Variants in BICD1 observed in about 807,000 individuals in gnomAD.
BICD1 encodes protein bicaudal D homolog 1.
In BICD1, 35 loss-of-function variants were observed where a neutral mutation model predicts 92.5. The observed-to-expected ratio is 0.38, with a 90% confidence interval of 0.29 to 0.50. The LOEUF is 0.50. Among genes scored for constraint, BICD1 ranks in the 20% least tolerant of loss-of-function variants. BICD1 has a pLI of 0.93. For synonymous variants in BICD1, 429 were observed against 465.1 expected (o/e 0.92, Z 1.00); for missense variants, 950 against 1,189.8 (o/e 0.80, Z 2.97).
intron 4 of BICD1, among the ~76,000 whole-genome samples, chr12:32,312,187 G>A (rs1222833712): frequency 7.2e-6 from 1 of 139,704 alleles, no homozygotes; most frequent in African/African-American, 2.7e-5. Flanking sequence ...TGCCTTTGTT[G>A]GAACTATGGA....
At chr12:32,333,697 C>T (rs1937979912) in intron 5 of BICD1, among the ~76,000 whole-genome samples, 3 of 152,196 alleles carry the variant, frequency 2.0e-5, no homozygotes, top group Non-Finnish European at 4.4e-5. Context: ...ATGCATCAAA[C>T]AGGCAATCCC....
chr12:32,346,653 T>C lies in BICD1; in HGVS notation c.2764+7674T>C, dbSNP rs1330976889. ...ATATATACGTGTATATATATATATA[T>C]ATATACACACACACACGCACACACA... is the stretch of plus-strand genomic sequence containing the variant. On this transcript the variant is annotated intron_variant, in intron 8 of 9. Coordinates refer to ENST00000652176, the MANE Select transcript of BICD1 (RefSeq NM_001714.4). 5.4e-3 allele frequency among the ~76,000 whole-genome samples: 142 copies of C among 26,062 alleles called. 7 individuals are homozygous for C. The highest frequency in any genetic ancestry group is 0.021 in the African/African-American group (133 of 6,430). The allele number at this position is 26,062 out of a possible 152,430, so 17.1% of individuals were successfully genotyped here.
At chr12:32,364,018 T>C (rs113682259) in intron 8 of BICD1, among the ~76,000 whole-genome samples, 7 of 138,726 alleles carry the variant, frequency 5.0e-5, no homozygotes, top group Admixed American at 7.1e-5. Flanking sequence ...ACCATCACCA[T>C]CACCACCATC....
chr12:32,244,792 C>G (rs970970462), intron 2 of BICD1, among the ~76,000 whole-genome samples: 1 of 152,074 alleles, frequency 6.6e-6, no homozygotes, highest in East Asian at 1.9e-4. Flanking sequence ...CCATGCCCAG[C>G]TAATTTTTGT....
rs1423199592 is a variant in BICD1 at position 32,150,089 on chromosome 12, C to T, written c.213+42545C>T. Among the ~76,000 whole-genome samples, 3 of 152,128 alleles carry T rather than the reference C, an allele frequency of 2.0e-5. No homozygotes were observed. The East Asian group carries it at 5.8e-4, about 29-fold the overall frequency. ...TCCCCTTTATAAAACCATCAGATCT[C>T]ATGAGACTTACTCACTATCATGAGA... On this transcript the variant is annotated intron_variant, in intron 1 of 9. Coordinates refer to ENST00000652176, the MANE Select transcript of BICD1 (RefSeq NM_001714.4).
intron 2 of BICD1, among the ~76,000 whole-genome samples, chr12:32,292,875 G>T (rs1370799318): frequency 6.6e-6 from 1 of 152,032 alleles, no homozygotes; most frequent in Non-Finnish European, 1.5e-5. Context: ...GTTTATATCT[G>T]TTATGTGGTC....
chr12:32,304,397 A>G (rs966597344), intron 3 of BICD1, among the ~76,000 whole-genome samples: 7 of 152,214 alleles, frequency 4.6e-5, no homozygotes, highest in Admixed American at 6.5e-5. Context: ...TACTTTTTCT[A>G]CTTTATTTTT....
chr12:32,157,483 G>A (rs953112881), intron 1 of BICD1, among the ~76,000 whole-genome samples: 11 of 152,128 alleles, frequency 7.2e-5, no homozygotes, highest in Admixed American at 2.0e-4. Flanking sequence ...ATTCTGGGGG[G>A]CTGGAGCAAG....
chr12:32,172,914 T>C (rs1299823303), intron 1 of BICD1, among the ~76,000 whole-genome samples: 1 of 152,230 alleles, frequency 6.6e-6, no homozygotes, highest in Non-Finnish European at 1.5e-5. Context: ...ATTTTTCAGT[T>C]GTTAAACCAG....
At chr12:32,215,153 C>G (rs927620618) in intron 1 of BICD1, among the ~76,000 whole-genome samples, 1 of 152,128 alleles carries the variant, frequency 6.6e-6, no homozygotes, top group East Asian at 1.9e-4. Flanking sequence ...TGCTTGAACC[C>G]AGGAGGCAGA....
chr12:32,121,509 C>A (rs1450698108), intron 1 of BICD1, among the ~76,000 whole-genome samples: 1 of 151,752 alleles, frequency 6.6e-6, no homozygotes, highest in Non-Finnish European at 1.5e-5. Flanking sequence ...AGGAGAAACT[C>A]TTGAACCTGG....
intron 6 of BICD1, among the ~76,000 whole-genome samples, chr12:32,336,716 A>C (rs1938141587): frequency 6.6e-6 from 1 of 152,240 alleles, no homozygotes; most frequent in Non-Finnish European, 1.5e-5. Context: ...AAGACACTTC[A>C]GGTATAGTGG....
intron 1 of BICD1, among the ~76,000 whole-genome samples, chr12:32,129,663 C>T (rs1274141956): frequency 2.6e-5 from 4 of 152,118 alleles, no homozygotes. Context: ...AGCCACCGCA[C>T]CTGGCCTAAA....
At chr12:32,275,486 T>C (rs2136155642) in intron 2 of BICD1, among the ~76,000 whole-genome samples, 1 of 152,356 alleles carries the variant, frequency 6.6e-6, no homozygotes. Flanking sequence ...TAGAGTCATA[T>C]CTGCCTGCTG....
chr12:32,226,820 T>A (rs1268651969), intron 2 of BICD1, among the ~76,000 whole-genome samples: 1 of 152,210 alleles, frequency 6.6e-6, no homozygotes, highest in Non-Finnish European at 1.5e-5. Flanking sequence ...GTACAGGGGC[T>A]TCCTCCCCAG....
rs1269090621 is a variant in BICD1, at chr12:32,116,506, C to CTATATATATA, written c.213+8963_213+8964insATATATATAT. Among the ~76,000 whole-genome samples the CTATATATATA allele has an allele frequency of 3.2e-3, 277 of 86,536 alleles. 1 individual carries two copies. Among genetic ancestry groups the CTATATATATA allele is most frequent in the Middle Eastern group, 5.4e-3 (1 of 184 alleles). The allele number at this position is 86,536 out of a possible 152,430, so 56.8% of individuals were successfully genotyped here. A position where few individuals can be genotyped will look rare whatever the true frequency, so the allele number is the denominator to read the frequency against. On this transcript the variant is annotated intron_variant, in intron 1 of 9. Coordinates refer to ENST00000652176, the MANE Select transcript of BICD1 (RefSeq NM_001714.4). ...TCTCTCTCTCTTTCTCTCTCTCTCT[C>CTATATATATA]TCTCTATATATATATATATATATGT...
At chr12:32,365,185 C>T (rs910235204) in intron 8 of BICD1, among the ~76,000 whole-genome samples, 1 of 151,926 alleles carries the variant, frequency 6.6e-6, no homozygotes, top group Non-Finnish European at 1.5e-5. Flanking sequence ...TGCAGTGAGC[C>T]GAGATTGTGC....
Position 32,327,702 on chromosome 12 carries a change from T to C in BICD1, c.1247T>C (p.Leu416Pro). 2 of 1,614,106 alleles carry C rather than the reference T, an allele frequency of 1.2e-6. No homozygotes were observed. The highest frequency in any genetic ancestry group is 2.2e-5 in the East Asian group (1 of 44,876). ...GTGGACATCAATGGTTTAGAGATCC[T>C]TGAATGCAAATACAGGGTGGCAGTA... ...YEVDINGLEILECKYRVAVTE... is the reference protein window; with the variant it reads ...YEVDINGLEIPECKYRVAVTE... Residue 416 changes from leucine (L) to proline (P), a missense_variant, in exon 5 of 10, where the codon CTT (leucine) becomes CCT (proline). Around this residue, in one of 5 missense-constraint regions of BICD1, gnomAD observed 246 missense variants for 258.4 expected, o/e 0.95. Coordinates refer to ENST00000652176, the MANE Select transcript of BICD1 (RefSeq NM_001714.4).
intron 1 of BICD1, among the ~76,000 whole-genome samples, chr12:32,137,971 GTGT>G (rs1565540509): frequency 1.3e-5 from 2 of 151,982 alleles, no homozygotes; most frequent in Non-Finnish European, 2.9e-5. Flanking sequence ...TTAATTTTTG[GTGT>G]TTTTAGTAGG....
Sources: allele counts gnomAD v4.1 joint callset (sites outside exome capture counted in the v4.1 genomes callset), GRCh38; gene constraint gnomAD v4.1.1; regional missense constraint gnomAD v4.1.1; transcripts MANE v1.5; gene names NCBI Gene and HGNC (gene_info 2026-07-23, HGNC 2026-07-21).